Variants in FAM184A observed in about 807,000 individuals in gnomAD.
FAM184A encodes the protein protein FAM184A.
FAM184A carries 99 observed loss-of-function variants against 143.8 expected under a neutral mutation model. The observed-to-expected ratio is 0.69, with a 90% CI of 0.58 to 0.81. The LOEUF (loss-of-function observed/expected upper bound fraction) is 0.81, where lower values mean the gene tolerates loss of function less well. Ranked by LOEUF, FAM184A falls within the 40% of genes least tolerant of loss-of-function variation. FAM184A has a pLI of 0.00. For missense variants in FAM184A, 1,217 were observed against 1,310.5 expected (o/e 0.93, Z 1.10); for synonymous variants, 427 against 446.4 (o/e 0.96, Z 0.55).
chr6:119,034,681 T>C (rs901284315), intron 1 of FAM184A, among the ~76,000 whole-genome samples: 51 of 152,104 alleles, frequency 3.4e-4, no homozygotes, highest in African/African-American at 1.2e-3. Context: ...TTATAGTCTT[T>C]ATTTTATAGG....
intron 1 of FAM184A, among the ~76,000 whole-genome samples, chr6:119,144,171 C>CA (rs55990833): frequency 0.26 from 37,548 of 144,180 alleles, 5,093 homozygotes; most frequent in Non-Finnish European, 0.3. Flanking sequence ...ACTAAAAATA[C>CA]AAAAAAAAAA....
At chr6:119,146,883 A>T (rs533633145) in intron 1 of FAM184A, among the ~76,000 whole-genome samples, 2 of 146,498 alleles carry the variant, frequency 1.4e-5, no homozygotes, top group East Asian at 4.2e-4. Context: ...GAGTGCCTGT[A>T]CCCAGGGTTT....
chr6:119,007,928 G>T (rs1483539303), intron 6 of FAM184A, among the ~76,000 whole-genome samples: 1 of 150,136 alleles, frequency 6.7e-6, no homozygotes, highest in East Asian at 2.0e-4. Flanking sequence ...AACAGAGCAA[G>T]ACTCTGCCTC....
chr6:119,018,910 G>A (rs890318714), intron 4 of FAM184A, among the ~76,000 whole-genome samples: 1 of 152,064 alleles, frequency 6.6e-6, no homozygotes, highest in South Asian at 2.1e-4. Context: ...TGGTGCTATT[G>A]GTTGAAATAA....
At chr6:119,099,098 A>G (rs1467834034) in intron 1 of FAM184A, among the ~76,000 whole-genome samples, 1 of 152,226 alleles carries the variant, frequency 6.6e-6, no homozygotes, top group Non-Finnish European at 1.5e-5. Flanking sequence ...CAACAAGAGC[A>G]AAACTCCGTA....
chr6:119,145,221 G>C (rs1772387007), intron 1 of FAM184A, among the ~76,000 whole-genome samples: 1 of 152,180 alleles, frequency 6.6e-6, no homozygotes, highest in Non-Finnish European at 1.5e-5. Context: ...GGGTTGGGTG[G>C]AGTGGCCTAT....
At chr6:119,015,065 A>AG (rs1324640099) in intron 5 of FAM184A, among the ~76,000 whole-genome samples, 3 of 149,228 alleles carry the variant, frequency 2.0e-5, no homozygotes, top group African/African-American at 7.3e-5. Flanking sequence ...CTCTGTCTCA[A>AG]AAAAAAAAAA....
At chr6:119,031,734 G>A (rs1440301722) in intron 1 of FAM184A, among the ~76,000 whole-genome samples, 1 of 152,104 alleles carries the variant, frequency 6.6e-6, no homozygotes, top group Non-Finnish European at 1.5e-5. Context: ...ATTTTAACTG[G>A]ACCTTAATTG....
chr6:119,013,312 C>A (rs1054989741), intron 5 of FAM184A, among the ~76,000 whole-genome samples: 1 of 151,986 alleles, frequency 6.6e-6, no homozygotes, highest in Non-Finnish European at 1.5e-5. Flanking sequence ...GTAAAAATGA[C>A]GTTGATGAAA....
intron 1 of FAM184A, among the ~76,000 whole-genome samples, chr6:119,055,640 C>CT (rs781729833): frequency 1.3e-5 from 2 of 152,180 alleles, no homozygotes; most frequent in Non-Finnish European, 2.9e-5. Flanking sequence ...CTAATGACTA[C>CT]TGATGGTGAC....
rs1356444751 is a variant in FAM184A, at chr6:119,023,067, T to C, written c.1028A>G (p.Gln343Arg). 1.9e-6 allele frequency: 3 copies of C among 1,614,054 alleles called. No individual in the cohort carries two copies. Among genetic ancestry groups the C allele is most frequent in the African/African-American group, 2.7e-5 (2 of 74,936 alleles). The change falls in exon 3 of 18, where the codon CAG (glutamine) becomes CGG (arginine). Residue 343 changes from glutamine (Q) to arginine (R), a missense_variant. Coordinates refer to ENST00000338891, the MANE Select transcript of FAM184A (RefSeq NM_024581.6). ...TTCTCCCTCCTTGGCATCATCAAGC[T>C]GTTTTTGAAGAACCTAAGAAAGATT... ...AENNVQVLQK[Q>R]LDDAKEGEMA...
intron 1 of FAM184A, among the ~76,000 whole-genome samples, chr6:119,047,992 G>C (rs1392163125): frequency 6.6e-6 from 1 of 152,132 alleles, no homozygotes; most frequent in Non-Finnish European, 1.5e-5. Flanking sequence ...CAAAATACTT[G>C]CAAACCAAAT....
intron 1 of FAM184A, among the ~76,000 whole-genome samples, chr6:119,126,357 G>T (rs1789365260): frequency 6.6e-6 from 1 of 152,236 alleles, no homozygotes; most frequent in African/African-American, 2.4e-5. Flanking sequence ...GCCCACCAAA[G>T]ATGTTCTCCC....
intron 1 of FAM184A, among the ~76,000 whole-genome samples, chr6:119,090,042 C>A (rs1788328362): frequency 6.6e-6 from 1 of 152,156 alleles, no homozygotes; most frequent in Non-Finnish European, 1.5e-5. Context: ...CACAGCCAAC[C>A]CTTTCTATGA....
chr6:119,108,476 A>AT (rs762571119), intron 1 of FAM184A, among the ~76,000 whole-genome samples: 2 of 150,218 alleles, frequency 1.3e-5, no homozygotes, highest in Non-Finnish European at 3.0e-5. Context: ...ACTGGTGGCA[A>AT]TTTTTTTTTT....
chr6:119,100,499 A>T (rs917832375), intron 1 of FAM184A, among the ~76,000 whole-genome samples: 1 of 152,048 alleles, frequency 6.6e-6, no homozygotes, highest in Non-Finnish European at 1.5e-5. Context: ...TTAAGGTGAA[A>T]AGTCATTGTC....
chr6:119,037,317 TTTG>T (rs1480697871), intron 1 of FAM184A, among the ~76,000 whole-genome samples: 1 of 152,166 alleles, frequency 6.6e-6, no homozygotes, highest in Non-Finnish European at 1.5e-5. Context: ...GAGGGGTTTT[TTTG>T]TTGTTGTTGT....
chr6:118,980,472 C>A, intron 9 of FAM184A, 122 bp from the exon 10 acceptor site: 1 of 681,814 alleles, frequency 1.5e-6, no homozygotes, highest in Non-Finnish European at 2.5e-6. Context: ...CTTAATGTTT[C>A]CATTTAAAAT....
intron 1 of FAM184A, among the ~76,000 whole-genome samples, chr6:119,139,919 A>G (rs907995410): frequency 6.6e-6 from 1 of 152,190 alleles, no homozygotes; most frequent in African/African-American, 2.4e-5. Flanking sequence ...CAAGTGTGTG[A>G]GATGTGAGTG....
Sources: gnomAD v4.1 joint callset for allele counts (sites outside exome capture counted in the v4.1 genomes callset) on GRCh38, gnomAD v4.1.1 for gene constraint, MANE v1.5 for transcripts, NCBI Gene and HGNC (gene_info 2026-07-23, HGNC 2026-07-21) for gene names.